The following NTRK2 variants were observed in gnomAD, a reference collection of about 807,000 sequenced individuals.
NTRK2 encodes the protein neurotrophic receptor tyrosine kinase 2.
In NTRK2, 13 loss-of-function variants were observed where a neutral mutation model predicts 94.5. That is an observed-to-expected ratio of 0.14 (90% CI 0.09 to 0.22). The LOEUF (loss-of-function observed/expected upper bound fraction) is 0.22, where lower values mean the gene tolerates loss of function less well. Among genes scored for constraint, NTRK2 ranks in the 10% least tolerant of loss-of-function variants. The pLI is 1.00. For missense variants in NTRK2, 639 were observed against 1,071.2 expected (o/e 0.60, Z 5.63); for synonymous variants, 372 against 407.4 (o/e 0.91, Z 1.05).
rs539926723 is a variant in NTRK2, at chr9:84,694,105, C to T, written c.213-8054C>T. 2.0e-4 allele frequency among the ~76,000 whole-genome samples: 31 copies of T among 152,242 alleles called. No homozygotes were observed. The East Asian group carries it at 6.0e-3, about 29-fold the overall frequency. On this transcript the variant is annotated intron_variant, in intron 2 of 18. Coordinates refer to ENST00000277120, the MANE Select transcript of NTRK2 (RefSeq NM_006180.6). ...GTGAAGGTGCTGGATTTACAAGTCC[C>T]CAGTCCTAGAGCGTGGTACAGTGGC...
intron 15 of NTRK2, among the ~76,000 whole-genome samples, chr9:84,938,665 G>C (rs1437306887): frequency 6.6e-6 from 1 of 152,198 alleles, no homozygotes; most frequent in Non-Finnish European, 1.5e-5. Context: ...ATATGTAGTA[G>C]TATGCAGTAA....
Position 84,724,433 on chromosome 9 carries a change from G to C in NTRK2, c.853+77G>C, listed in dbSNP as rs185462680. 3.2e-6 allele frequency: 5 copies of C among 1,556,326 alleles called. No individual in the cohort carries two copies. The East Asian group carries it at 1.1e-4, about 35-fold the overall frequency. Reference sequence around the variant, plus strand: ...CCTACGTTTGTTGCTGGGGCACTCTGGGTGCTGCTTAAATTTGTTAAAAAA... The same window carrying C: ...CCTACGTTTGTTGCTGGGGCACTCTCGGTGCTGCTTAAATTTGTTAAAAAA... On this transcript the variant is annotated intron_variant, in intron 8 of 18. Transcript: ENST00000277120.
intron 12 of NTRK2, among the ~76,000 whole-genome samples, chr9:84,830,389 G>A (rs1227363212): frequency 2.0e-5 from 3 of 152,196 alleles, no homozygotes; most frequent in Admixed American, 6.5e-5. Flanking sequence ...GGTTAGAAGT[G>A]TGATAGAAAC....
intron 16 of NTRK2, among the ~76,000 whole-genome samples, chr9:84,952,064 A>C (rs892826363): frequency 6.6e-6 from 1 of 152,156 alleles, no homozygotes; most frequent in Non-Finnish European, 1.5e-5. Context: ...AAAATAGACT[A>C]CTATTTTTCA....
intron 14 of NTRK2, chr9:84,876,749 C>A (rs202164539): frequency 2.8e-6 from 3 of 1,060,992 alleles, no homozygotes; most frequent in Non-Finnish European, 3.4e-6. Context: ...TTCCTGATAT[C>A]TACAGAAACA....
At position 84,706,514 on chromosome 9, in the gene NTRK2, ATTTTTTGTTTTTGTTTTTTT is replaced by A. The variant is rs1408423969; in HGVS notation, c.360-1323_360-1304del. Among the ~76,000 whole-genome samples, 24 of 68,546 alleles carry A rather than the reference ATTTTTTGTTTTTGTTTTTTT, an allele frequency of 3.5e-4. 2 individuals are homozygous for A. Among genetic ancestry groups the A allele is most frequent in the African/African-American group, 1.3e-3 (24 of 18,390 alleles). 45.0% of individuals were successfully genotyped at this position (68,546 alleles called of 152,430 possible). On this transcript the variant is annotated intron_variant, in intron 4 of 18. Coordinates refer to ENST00000277120, the MANE Select transcript of NTRK2 (RefSeq NM_006180.6). The stretch of plus-strand genomic sequence containing the variant: ...GTCACCCTCAGATCTCATGTGTGTT[ATTTTTTGTTTTTGTTTTTTT>A]TTTTTTTTTTTTTGAGACGGAGTCT...
chr9:84,767,223 A>T (rs1230236660), intron 12 of NTRK2, among the ~76,000 whole-genome samples: 1 of 152,192 alleles, frequency 6.6e-6, no homozygotes, highest in South Asian at 2.1e-4. Flanking sequence ...CTTAGTTGCT[A>T]TTGGGAGAAA....
chr9:84,928,450 GAGTGTTTCA>G (rs2077899586), intron 14 of NTRK2, among the ~76,000 whole-genome samples: 1 of 152,164 alleles, frequency 6.6e-6, no homozygotes, highest in African/African-American at 2.4e-5. Context: ...TGATAAACAT[GAGTGTTTCA>G]AGTATTTCTA....
At chr9:84,835,392 C>A (rs542688512) in intron 12 of NTRK2, among the ~76,000 whole-genome samples, 5 of 152,116 alleles carry the variant, frequency 3.3e-5, no homozygotes, top group African/African-American at 9.7e-5. Flanking sequence ...AATGAGCCCC[C>A]ACTCCAAAAG....
intron 14 of NTRK2, among the ~76,000 whole-genome samples, chr9:84,897,419 G>A (rs142116359): frequency 6.4e-4 from 97 of 152,330 alleles, no homozygotes; most frequent in African/African-American, 2.1e-3. Flanking sequence ...ACAGGCGTGA[G>A]CCACTGCACC....
intron 13 of NTRK2, among the ~76,000 whole-genome samples, chr9:84,865,972 G>A (rs530363823): frequency 2.6e-5 from 4 of 152,176 alleles, no homozygotes; most frequent in African/African-American, 9.7e-5. Flanking sequence ...TGGGTAAATT[G>A]TTTAGACAAG....
chr9:84,840,850 C>A (rs1374536499), intron 12 of NTRK2, among the ~76,000 whole-genome samples: 1 of 152,156 alleles, frequency 6.6e-6, no homozygotes, highest in African/African-American at 2.4e-5. Flanking sequence ...GAGGTCGTTG[C>A]ATTGCTAAGT....
chr9:84,936,968 A>G (rs1283720412), intron 15 of NTRK2, among the ~76,000 whole-genome samples: 1 of 152,162 alleles, frequency 6.6e-6, no homozygotes, highest in Non-Finnish European at 1.5e-5. Context: ...GCAGCCACGT[A>G]AGGGACTAGC....
At chr9:84,947,278 CT>C (rs1342458672) in intron 15 of NTRK2, among the ~76,000 whole-genome samples, 1 of 152,182 alleles carries the variant, frequency 6.6e-6, no homozygotes, top group Non-Finnish European at 1.5e-5. Flanking sequence ...TATAAGGACC[CT>C]TGTAATGACA....
chr9:84,761,867 G>A (rs894990439), intron 12 of NTRK2, among the ~76,000 whole-genome samples: 1 of 152,122 alleles, frequency 6.6e-6, no homozygotes, highest in African/African-American at 2.4e-5. Flanking sequence ...AGAGTGATAT[G>A]GTTTGGCTAT....
At chr9:84,884,621 A>G (rs1485329872) in intron 14 of NTRK2, among the ~76,000 whole-genome samples, 9 of 152,204 alleles carry the variant, frequency 5.9e-5, no homozygotes, top group Non-Finnish European at 2.9e-5. Context: ...ATAATATATC[A>G]CGACGTTTGT....
intron 14 of NTRK2, chr9:84,872,270 C>T: frequency 8.8e-7 from 1 of 1,131,084 alleles, no homozygotes; most frequent in Non-Finnish European, 1.1e-6. Context: ...TGACAGGGAA[C>T]AATGGAAACA....
chr9:84,906,711 C>A lies in NTRK2; in HGVS notation c.1634-27451C>A, dbSNP rs141164669. Reference sequence around the variant, plus strand: ...TTAGTGGATGGTAATGATTCCAGTCCCATAACTCCCAGCTCCATGAAGACT... The same window carrying A: ...TTAGTGGATGGTAATGATTCCAGTCACATAACTCCCAGCTCCATGAAGACT... On this transcript the variant is annotated intron_variant, in intron 14 of 18. Coordinates refer to ENST00000277120, the MANE Select transcript of NTRK2 (RefSeq NM_006180.6). 4.8e-3 allele frequency among the ~76,000 whole-genome samples: 726 copies of A among 152,254 alleles called. 4 individuals carry two copies. The highest frequency in any genetic ancestry group is 8.2e-3 in the Non-Finnish European group (560 of 68,010).
At chr9:84,943,929 C>G (rs1439702263) in intron 15 of NTRK2, among the ~76,000 whole-genome samples, 2 of 152,058 alleles carry the variant, frequency 1.3e-5, no homozygotes, top group East Asian at 3.8e-4. Flanking sequence ...TTCTGAATCT[C>G]TTAAAATAGA....
Sources: allele counts gnomAD v4.1 joint callset (sites outside exome capture counted in the v4.1 genomes callset), GRCh38; gene constraint gnomAD v4.1.1; transcripts MANE v1.5; gene names NCBI Gene and HGNC (gene_info 2026-07-23, HGNC 2026-07-21).